The following NMNAT2 variants were observed in gnomAD, a reference collection of about 807,000 sequenced individuals.
NMNAT2 encodes the protein nicotinamide/nicotinic acid mononucleotide adenylyltransferase 2.
NMNAT2 carries 11 observed loss-of-function variants against 41.6 expected under a neutral mutation model. The observed-to-expected ratio is 0.26, with a 90% CI of 0.17 to 0.44. NMNAT2 has a LOEUF of 0.44. Ranked by LOEUF, NMNAT2 falls within the 20% of genes least tolerant of loss-of-function variation. The pLI is 1.00. For synonymous variants in NMNAT2, 148 were observed against 151.2 expected (o/e 0.98, Z 0.16); for missense variants, 288 against 407.7 (o/e 0.71, Z 2.53).
At chr1:183,338,112 G>C (rs1297995988) in intron 1 of NMNAT2, among the ~76,000 whole-genome samples, 1 of 124,588 alleles carries the variant, frequency 8.0e-6, no homozygotes, top group East Asian at 2.8e-4. Context: ...CTGGAGCCCA[G>C]ACCAGCCCAG....
intron 1 of NMNAT2, among the ~76,000 whole-genome samples, chr1:183,334,967 A>G (rs1662654097): frequency 1.3e-5 from 2 of 152,208 alleles, no homozygotes; most frequent in South Asian, 4.1e-4. Context: ...AAGTGGAGAG[A>G]GTTAAGGAAC....
intron 1 of NMNAT2, among the ~76,000 whole-genome samples, chr1:183,353,253 G>A (rs1006396973): frequency 1.3e-5 from 2 of 151,958 alleles, no homozygotes; most frequent in African/African-American, 2.4e-5. Flanking sequence ...AGATCCACCC[G>A]CCTCGGCCTC....
chr1:183,273,102 C>A (rs1661026080), intron 8 of NMNAT2, among the ~76,000 whole-genome samples: 1 of 152,168 alleles, frequency 6.6e-6, no homozygotes, highest in Non-Finnish European at 1.5e-5. Flanking sequence ...ATCAATGTAG[C>A]CAGCTGTTCG....
intron 1 of NMNAT2, among the ~76,000 whole-genome samples, chr1:183,352,283 G>T (rs1379432824): frequency 6.6e-6 from 1 of 152,104 alleles, no homozygotes; most frequent in African/African-American, 2.4e-5. Context: ...TGTGTGAGAG[G>T]CCGGGTGCAG....
rs1553268338 is a variant in NMNAT2 at position 183,249,680 on chromosome 1, G to GGT, written c.*2960_*2961insAC. On this transcript the variant is annotated 3_prime_UTR_variant, in exon 11 of 11. Coordinates refer to ENST00000287713, the MANE Select transcript of NMNAT2 (RefSeq NM_015039.4). ...CCTTCCCCTAGCAAATGAAGAGTAG[G>GGT]GCGTGTGTGTGTGTGTGTGTGTGTG... is the stretch of plus-strand genomic sequence containing the variant. 5.2e-5 allele frequency: 6 copies of GGT among 116,312 alleles called. No homozygotes were observed. Among genetic ancestry groups the GGT allele is most frequent in the Admixed American group, 9.2e-5 (1 of 10,818 alleles). The allele number at this position is 116,312 out of a possible 1,614,324, so 7.2% of individuals were successfully genotyped here. A position where few individuals can be genotyped will look rare whatever the true frequency, so the allele number is the denominator to read the frequency against.
intron 1 of NMNAT2, among the ~76,000 whole-genome samples, chr1:183,385,896 C>T (rs1259539968): frequency 6.6e-6 from 1 of 152,136 alleles, no homozygotes; most frequent in Admixed American, 6.5e-5. Context: ...CAGGATGCCA[C>T]GTGTCTATTT....
chr1:183,401,859 G>A (rs1648820336), intron 1 of NMNAT2, among the ~76,000 whole-genome samples: 1 of 144,412 alleles, frequency 6.9e-6, no homozygotes, highest in Non-Finnish European at 1.5e-5. Flanking sequence ...GGTGGGAACT[G>A]AACAATGAGA....
chr1:183,284,941 G>A (rs1661366413), intron 5 of NMNAT2, 151 bp from the exon 6 acceptor site: 7 of 642,806 alleles, frequency 1.1e-5, no homozygotes, highest in Non-Finnish European at 2.0e-5. Flanking sequence ...AGGGTAGAGA[G>A]AAAGAACAGA....
intron 1 of NMNAT2, among the ~76,000 whole-genome samples, chr1:183,295,401 T>TA (rs1414611594): frequency 6.6e-6 from 1 of 152,224 alleles, no homozygotes; most frequent in Non-Finnish European, 1.5e-5. Context: ...GAGCAGATTG[T>TA]ACATAGACTT....
chr1:183,407,050 C>G (rs904538068), intron 1 of NMNAT2, among the ~76,000 whole-genome samples: 2 of 152,100 alleles, frequency 1.3e-5, no homozygotes, highest in African/African-American at 2.4e-5. Flanking sequence ...AACTCCTGAC[C>G]TCGTGATCTG....
At chr1:183,323,421 C>T (rs1312958858) in intron 1 of NMNAT2, among the ~76,000 whole-genome samples, 2 of 152,180 alleles carry the variant, frequency 1.3e-5, no homozygotes, top group East Asian at 1.9e-4. Flanking sequence ...TTTTCATCTC[C>T]ACTGCCACCA....
At chr1:183,393,348 C>G (rs1648535295) in intron 1 of NMNAT2, among the ~76,000 whole-genome samples, 2 of 152,114 alleles carry the variant, frequency 1.3e-5, no homozygotes, top group Non-Finnish European at 2.9e-5. Flanking sequence ...GATGAGGATG[C>G]TAAGCCTCAG....
chr1:183,302,111 A>G (rs904466960), intron 1 of NMNAT2, among the ~76,000 whole-genome samples: 3 of 152,190 alleles, frequency 2.0e-5, no homozygotes, highest in African/African-American at 7.2e-5. Context: ...AAAAAACTTT[A>G]AGGAATCATC....
intron 1 of NMNAT2, among the ~76,000 whole-genome samples, chr1:183,359,634 A>G (rs1228280934): frequency 1.3e-5 from 2 of 151,964 alleles, no homozygotes; most frequent in African/African-American, 2.4e-5. Context: ...CTTGTAAGGG[A>G]TATGTAAGGT....
intron 1 of NMNAT2, among the ~76,000 whole-genome samples, chr1:183,349,412 A>T (rs560233860): frequency 6.6e-6 from 1 of 152,384 alleles, no homozygotes; most frequent in East Asian, 1.9e-4. Context: ...AGGACAACTC[A>T]CAGGCAGCTC....
At chr1:183,269,368 A>G (rs751020693) in intron 8 of NMNAT2, among the ~76,000 whole-genome samples, 3 of 152,258 alleles carry the variant, frequency 2.0e-5, no homozygotes, top group Non-Finnish European at 2.9e-5. Context: ...AGAGTATTTT[A>G]AACACAGGAC....
intron 1 of NMNAT2, among the ~76,000 whole-genome samples, chr1:183,362,828 G>A (rs1663333790): frequency 6.6e-6 from 1 of 152,130 alleles, no homozygotes; most frequent in Admixed American, 6.6e-5. Context: ...TTAACTTTTT[G>A]AGAAACTGAC....
intron 10 of NMNAT2, among the ~76,000 whole-genome samples, chr1:183,258,793 A>C (rs887527952): frequency 5.9e-5 from 9 of 151,628 alleles, no homozygotes; most frequent in South Asian, 2.1e-4. Context: ...GCGGCCCCCC[A>C]CCCAGGAACT....
intron 1 of NMNAT2, among the ~76,000 whole-genome samples, chr1:183,400,396 G>A (rs544675209): frequency 4.6e-5 from 7 of 152,242 alleles, no homozygotes; most frequent in Admixed American, 4.6e-4. Flanking sequence ...ACAAACCACT[G>A]CTCAACGAAA....
Sources: allele counts gnomAD v4.1 joint callset (sites outside exome capture counted in the v4.1 genomes callset), GRCh38; gene constraint gnomAD v4.1.1; transcripts MANE v1.5; gene names NCBI Gene and HGNC (gene_info 2026-07-23, HGNC 2026-07-21).